Variants in IGF2BP3 observed in about 807,000 individuals in gnomAD.
IGF2BP3 encodes the protein insulin like growth factor 2 mRNA binding protein 3, also known as insulin-like growth factor 2 mRNA-binding protein 3.
In IGF2BP3, 9 loss-of-function variants were observed where a neutral mutation model predicts 73.8. The ratio of observed to expected loss-of-function variants is 0.12; its 90% CI spans 0.07 to 0.21. IGF2BP3 has a LOEUF of 0.21. Ranked by LOEUF, IGF2BP3 falls within the 10% of genes least tolerant of loss-of-function variation. The pLI, the probability that IGF2BP3 is intolerant of heterozygous loss-of-function variation, is 1.00. For synonymous variants in IGF2BP3, 258 were observed against 256.7 expected (o/e 1.01, Z -0.05); for missense variants, 542 against 714.0 (o/e 0.76, Z 2.75).
intron 2 of IGF2BP3, among the ~76,000 whole-genome samples, chr7:23,433,315 C>G (rs375948350): frequency 5.9e-5 from 9 of 152,196 alleles, no homozygotes; most frequent in African/African-American, 2.2e-4. Flanking sequence ...AATAAAGAAG[C>G]CACTAGCCAC....
At chr7:23,388,150 G>C (rs1382720809) in intron 3 of IGF2BP3, among the ~76,000 whole-genome samples, 1 of 151,974 alleles carries the variant, frequency 6.6e-6, no homozygotes, top group Non-Finnish European at 1.5e-5. Context: ...TGTTAGCCAG[G>C]ATGGTCTCAA....
chr7:23,398,733 A>G, intron 3 of IGF2BP3, among the ~76,000 whole-genome samples: 1 of 152,078 alleles, frequency 6.6e-6, no homozygotes, highest in Non-Finnish European at 1.5e-5. Context: ...GTCTGTTCAT[A>G]TCCTTTGCCC....
chr7:23,324,210 T>G (rs1022855346), intron 10 of IGF2BP3, among the ~76,000 whole-genome samples: 1 of 150,520 alleles, frequency 6.6e-6, no homozygotes, highest in Non-Finnish European at 1.5e-5. Context: ...AAGAATCAAA[T>G]AGACACAATA....
At chr7:23,382,652 T>C (rs977199665) in intron 3 of IGF2BP3, among the ~76,000 whole-genome samples, 3 of 151,988 alleles carry the variant, frequency 2.0e-5, no homozygotes, top group Non-Finnish European at 2.9e-5. Context: ...ATACACCTTA[T>C]GGTAAAACAA....
chr7:23,397,694 C>T (rs374152859), intron 3 of IGF2BP3, among the ~76,000 whole-genome samples: 13 of 152,172 alleles, frequency 8.5e-5, no homozygotes, highest in African/African-American at 3.1e-4. Context: ...ATGTATTTCA[C>T]CACTGAGTAT....
chr7:23,415,644 C>T (rs1787169251), intron 3 of IGF2BP3: 2 of 175,944 alleles, frequency 1.1e-5, no homozygotes, highest in Non-Finnish European at 2.4e-5. Flanking sequence ...ATGTATAACT[C>T]CTCTCTCCTC....
intron 2 of IGF2BP3, among the ~76,000 whole-genome samples, chr7:23,443,802 G>A (rs928623541): frequency 1.3e-5 from 2 of 152,028 alleles, no homozygotes; most frequent in African/African-American, 2.4e-5. Flanking sequence ...GAGGTCAGGA[G>A]ATTGAGACCA....
chr7:23,431,729 A>G (rs1584037548), intron 2 of IGF2BP3, among the ~76,000 whole-genome samples: 1 of 152,326 alleles, frequency 6.6e-6, no homozygotes, highest in East Asian at 1.9e-4. Flanking sequence ...TAGAATCACC[A>G]CAAGGGACTA....
chr7:23,468,022 C>T (rs1201629156), intron 2 of IGF2BP3: 2 of 192,458 alleles, frequency 1.0e-5, no homozygotes, highest in Non-Finnish European at 2.2e-5. Context: ...AATTCCTCTC[C>T]ACTCGGCCGC....
At chr7:23,318,611 C>T (rs1216927687) in intron 11 of IGF2BP3, among the ~76,000 whole-genome samples, 1 of 152,164 alleles carries the variant, frequency 6.6e-6, no homozygotes, top group Non-Finnish European at 1.5e-5. Context: ...ATTATTTGTC[C>T]TCTGGTATGT....
At chr7:23,371,921 GAA>G (rs1323279431) in intron 3 of IGF2BP3, among the ~76,000 whole-genome samples, 1 of 152,206 alleles carries the variant, frequency 6.6e-6, no homozygotes, top group East Asian at 1.9e-4. Flanking sequence ...CAGCCACACT[GAA>G]GTCACAGTGG....
At chr7:23,397,803 A>G (rs1786524375) in intron 3 of IGF2BP3, among the ~76,000 whole-genome samples, 1 of 152,214 alleles carries the variant, frequency 6.6e-6, no homozygotes, top group African/African-American at 2.4e-5. Flanking sequence ...TCCCAAATAT[A>G]TCTACCTCCT....
intron 2 of IGF2BP3, among the ~76,000 whole-genome samples, chr7:23,443,963 C>T (rs953553941): frequency 6.6e-6 from 1 of 152,102 alleles, no homozygotes; most frequent in Non-Finnish European, 1.5e-5. Flanking sequence ...GAGCTGAGAT[C>T]GCGCCACTGC....
At chr7:23,387,878 G>A (rs1786137115) in intron 3 of IGF2BP3, among the ~76,000 whole-genome samples, 1 of 152,186 alleles carries the variant, frequency 6.6e-6, no homozygotes, top group Non-Finnish European at 1.5e-5. Flanking sequence ...GTGTTGTCAA[G>A]GACTGGACCT....
At chr7:23,439,915 CA>C (rs1787892893) in intron 2 of IGF2BP3, among the ~76,000 whole-genome samples, 1 of 152,162 alleles carries the variant, frequency 6.6e-6, no homozygotes, top group Non-Finnish European at 1.5e-5. Flanking sequence ...AACAGAACCA[CA>C]AAAATTTACA....
Position 23,386,167 on chromosome 7 carries a change from A to G in IGF2BP3, c.286-24426T>C, listed in dbSNP as rs371075595. Among the ~76,000 whole-genome samples the G allele has an allele frequency of 1.6e-4, 25 of 152,326 alleles. 1 individual carries two copies. The highest frequency in any genetic ancestry group is 9.2e-4 in the Admixed American group (14 of 15,294). On this transcript the variant is annotated intron_variant, in intron 3 of 14. Transcript: ENST00000258729. ...ATTATACTATTCTCTCTACATTTGT[A>G]AATGCTTAAAAATTATCCATTTCAT...
At position 23,333,890 on chromosome 7, in the gene IGF2BP3, A is replaced by G. The variant is rs183705156; in HGVS notation, c.1203+8174T>C. ...ACGTCGTCCAATTCCCTTTGCTCCAATTTCCTATCCATGAAGCATCTTCTT... is the reference window on the plus strand; with the variant it reads ...ACGTCGTCCAATTCCCTTTGCTCCAGTTTCCTATCCATGAAGCATCTTCTT... On this transcript the variant is annotated intron_variant, in intron 10 of 14. Transcript: ENST00000258729. Among the ~76,000 whole-genome samples the G allele has an allele frequency of 1.9e-3, 294 of 152,296 alleles. 2 individuals are homozygous for G. The highest frequency in any genetic ancestry group is 3.7e-3 in the Admixed American group (57 of 15,290).
At chr7:23,340,855 TTTTTTTTTTTC>T (rs1784691864) in intron 10 of IGF2BP3, among the ~76,000 whole-genome samples, 2 of 145,906 alleles carry the variant, frequency 1.4e-5, no homozygotes, top group African/African-American at 5.3e-5. Context: ...TTTTCTTTTT[TTTTTTTTTTTC>T]CCAGACAGAG....
intron 11 of IGF2BP3, 138 bp downstream of exon 11, chr7:23,319,000 T>A: frequency 1.6e-6 from 1 of 623,706 alleles, no homozygotes; most frequent in Non-Finnish European, 2.8e-6. Context: ...AAGCCACTGT[T>A]GTTTGGGGGT....
Sources: gnomAD v4.1 joint callset for allele counts (sites outside exome capture counted in the v4.1 genomes callset) on GRCh38, gnomAD v4.1.1 for gene constraint, MANE v1.5 for transcripts, NCBI Gene and HGNC (gene_info 2026-07-23, HGNC 2026-07-21) for gene names.